The following NCKAP1 variants were observed in gnomAD, a reference collection of about 807,000 sequenced individuals.
NCKAP1 encodes nck-associated protein 1.
In NCKAP1, 21 loss-of-function variants were observed where a neutral mutation model predicts 151.2. The ratio of observed to expected loss-of-function variants is 0.14; its 90% CI spans 0.10 to 0.20. The LOEUF is 0.20. Among genes scored for constraint, NCKAP1 ranks in the 10% least tolerant of loss-of-function variants. NCKAP1 has a pLI of 1.00. For synonymous variants in NCKAP1, 484 were observed against 451.8 expected, an observed-to-expected ratio of 1.07 and a Z score of -0.90; for missense variants, 933 against 1,352.1, an observed-to-expected ratio of 0.69 and a Z score of 4.86.
chr2:182,931,687 TAA>T (rs1222621081), intron 26 of NCKAP1, among the ~76,000 whole-genome samples: 2 of 152,056 alleles, frequency 1.3e-5, no homozygotes, highest in Non-Finnish European at 2.9e-5. Flanking sequence ...TCATTGAAAC[TAA>T]AAGACATCAT....
rs1696539159 is a variant in NCKAP1, at chr2:182,920,792, AT to A, written c.*4909del. On this transcript the variant is annotated 3_prime_UTR_variant, in exon 31 of 31. Transcript: ENST00000361354. ...CACACTGATGATCAGATTTCAACAT[AT>A]GAATTTTGTGGCCAGGGGGACACAA... The A allele has an allele frequency of 1.3e-5, 2 of 152,124 alleles. No homozygotes were observed. Among genetic ancestry groups the A allele is most frequent in the African/African-American group, 4.8e-5 (2 of 41,432 alleles). The allele number at this position is 152,124 out of a possible 1,614,324, so 9.4% of individuals were successfully genotyped here. A position where few individuals can be genotyped will look rare whatever the true frequency, so the allele number is the denominator to read the frequency against.
chr2:182,946,489 C>T (rs889081926), intron 23 of NCKAP1, among the ~76,000 whole-genome samples: 1 of 151,824 alleles, frequency 6.6e-6, no homozygotes, highest in Non-Finnish European at 1.5e-5. Context: ...CTATTGGGTA[C>T]TTATGCTTAC....
chr2:183,037,894 C>G (rs1312106253), intron 1 of NCKAP1, 98 bp downstream of exon 1: 2 of 919,006 alleles, frequency 2.2e-6, no homozygotes, highest in African/African-American at 1.8e-5. Flanking sequence ...GATTTCTACA[C>G]CCGGCGCCTC....
intron 10 of NCKAP1, among the ~76,000 whole-genome samples, chr2:182,985,012 G>A (rs1698022539): frequency 6.6e-6 from 1 of 152,158 alleles, no homozygotes; most frequent in Non-Finnish European, 1.5e-5. Flanking sequence ...TAATAATTAT[G>A]TGCATTTCTG....
chr2:183,013,186 C>T (rs1488510134), intron 2 of NCKAP1, among the ~76,000 whole-genome samples: 1 of 152,024 alleles, frequency 6.6e-6, no homozygotes, highest in African/African-American at 2.4e-5. Flanking sequence ...CCTCAATAAT[C>T]TTCTTCAACT....
At chr2:182,935,179 C>A in intron 25 of NCKAP1, 114 bp downstream of exon 25, 1 of 793,122 alleles carries the variant, frequency 1.3e-6, no homozygotes, top group South Asian at 1.8e-5. Context: ...ACTACTAAAA[C>A]TGGAATTTTA....
chr2:182,989,756 T>A (rs1004990007), intron 8 of NCKAP1, among the ~76,000 whole-genome samples: 3 of 151,502 alleles, frequency 2.0e-5, no homozygotes, highest in African/African-American at 4.9e-5. Flanking sequence ...AATCCCAGCA[T>A]TTTGGGAGGC....
Position 182,956,577 on chromosome 2 carries a change from T to C in NCKAP1, c.2038A>G (p.Thr680Ala). The change falls in exon 20 of 31, where the codon ACT (threonine) becomes GCT (alanine). Residue 680 changes from threonine (T) to alanine (A), a missense_variant. Physicochemically the swap from Thr to Ala is moderately conservative, Grantham distance 58. Transcript: ENST00000361354. ...GAGAAGCATAACTCAGAAAGTGCAG[T>C]GTGCAATTTATCAAGGCTGAAAAAA... ...LVVTNLDKLH[T>A]ALSELCFSIN... The C allele has an allele frequency of 6.2e-7, 1 of 1,605,502 alleles. No homozygotes were observed. Among genetic ancestry groups the C allele is most frequent in the Non-Finnish European group, 8.5e-7 (1 of 1,176,998 alleles).
At position 182,925,583 on chromosome 2, in the gene NCKAP1, T is replaced by C; in HGVS notation, c.*119A>G. The C allele has an allele frequency of 3.9e-6, 2 of 515,628 alleles. No homozygotes were observed. The highest frequency in any genetic ancestry group is 7.0e-6 in the Non-Finnish European group (2 of 284,434). 31.9% of individuals were successfully genotyped at this position (515,628 alleles called of 1,614,324 possible). A position where few individuals can be genotyped will look rare whatever the true frequency, so the allele number is the denominator to read the frequency against. ...AACCAATGATCAGAAAATACAACCGTATGAAAGAAATTTATAATCCACAAA... is the reference window on the plus strand; with the variant it reads ...AACCAATGATCAGAAAATACAACCGCATGAAAGAAATTTATAATCCACAAA... On this transcript the variant is annotated 3_prime_UTR_variant, in exon 31 of 31. Coordinates refer to ENST00000361354, the MANE Select transcript of NCKAP1 (RefSeq NM_013436.5).
chr2:182,953,016 A>G, intron 21 of NCKAP1, 93 bp from the exon 22 acceptor site: 10 of 1,475,560 alleles, frequency 6.8e-6, no homozygotes, highest in Non-Finnish European at 9.1e-6. Context: ...AAGTTGACTG[A>G]TAATATGAAT....
intron 8 of NCKAP1, among the ~76,000 whole-genome samples, chr2:182,993,760 T>C (rs1012594851): frequency 2.6e-5 from 4 of 152,158 alleles, no homozygotes; most frequent in Non-Finnish European, 4.4e-5. Flanking sequence ...TCAGGTACTA[T>C]GCTTATTACC....
chr2:182,999,933 A>C (rs1217421530), intron 6 of NCKAP1, among the ~76,000 whole-genome samples: 1 of 152,190 alleles, frequency 6.6e-6, no homozygotes, highest in Non-Finnish European at 1.5e-5. Context: ...GTACTCACTT[A>C]TAAGGGGAAG....
chr2:182,986,088 T>C, intron 10 of NCKAP1, 83 bp downstream of exon 10: 2 of 1,271,824 alleles, frequency 1.6e-6, no homozygotes, highest in Non-Finnish European at 2.3e-6. Context: ...TTGCATACTA[T>C]TAATCTGTAC....
chr2:183,029,581 G>C (rs1356657110), intron 1 of NCKAP1, among the ~76,000 whole-genome samples: 1 of 151,796 alleles, frequency 6.6e-6, no homozygotes, highest in Non-Finnish European at 1.5e-5. Context: ...CAGCACTTGC[G>C]GAGGCCAAGG....
chr2:182,941,278 T>C (rs1472821789), intron 24 of NCKAP1, among the ~76,000 whole-genome samples: 1 of 152,168 alleles, frequency 6.6e-6, no homozygotes, highest in Non-Finnish European at 1.5e-5. Context: ...AGTTATCTGC[T>C]TGAACACACT....
Position 182,967,286 on chromosome 2 carries a change from T to G in NCKAP1, c.1558A>C (p.Ile520Leu). ...GAATCTACCATTTTTGTATGAAAAA[T>G]TATTGTATTCATCATCTTTCCAAGT... Reference protein sequence around the residue: ...RELGKMMNTIIFHTKMVDSLV... With the variant: ...RELGKMMNTILFHTKMVDSLV... Residue 520 changes from isoleucine (I) to leucine (L), a missense_variant, in exon 16 of 31, where the codon ATT becomes CTT. Physicochemically the swap from Ile to Leu is conservative, Grantham distance 5. This residue lies in a region of NCKAP1 where 607 missense variants were observed against 795.0 expected (regional missense o/e 0.76). Coordinates refer to ENST00000361354, the MANE Select transcript of NCKAP1 (RefSeq NM_013436.5). 2 of 1,611,958 alleles carry G rather than the reference T, an allele frequency of 1.2e-6. No individual in the cohort carries two copies. Among genetic ancestry groups the G allele is most frequent in the Non-Finnish European group, 1.7e-6 (2 of 1,178,710 alleles).
chr2:182,987,883 G>C (rs532959365), intron 9 of NCKAP1, among the ~76,000 whole-genome samples: 1 of 151,922 alleles, frequency 6.6e-6, no homozygotes, highest in South Asian at 2.1e-4. Context: ...GAAAGGAGTG[G>C]GGGGGGAGTG....
intron 17 of NCKAP1, 124 bp downstream of exon 17, chr2:182,964,552 G>T: frequency 1.5e-6 from 1 of 657,006 alleles, no homozygotes; most frequent in Non-Finnish European, 2.4e-6. Context: ...TTCTGATTCT[G>T]CATAGAGATG....
intron 6 of NCKAP1, among the ~76,000 whole-genome samples, chr2:182,999,550 G>A (rs893012886): frequency 6.6e-6 from 1 of 152,184 alleles, no homozygotes; most frequent in Non-Finnish European, 1.5e-5. Flanking sequence ...TACACTGTTG[G>A]TGGTAATGCA....
Sources: gnomAD v4.1 joint callset for allele counts (sites outside exome capture counted in the v4.1 genomes callset) on GRCh38, gnomAD v4.1.1 for gene constraint, gnomAD v4.1.1 regional missense constraint, MANE v1.5 for transcripts, NCBI Gene and HGNC (gene_info 2026-07-23, HGNC 2026-07-21) for gene names.